The following GPHN variants were observed in gnomAD, a reference collection of about 807,000 sequenced individuals.
The protein encoded by GPHN is gephyrin.
Under a neutral mutation model 95.5 loss-of-function variants are expected in GPHN, and 17 were observed. That is an observed-to-expected ratio of 0.18 (90% CI 0.12 to 0.27). The LOEUF (loss-of-function observed/expected upper bound fraction) is 0.27. Among genes scored for constraint, GPHN ranks in the 10% least tolerant of loss-of-function variants. The probability of loss-of-function intolerance (pLI) is 1.00; values close to 1 mark genes in which losing one functional copy is unlikely to be tolerated. For synonymous variants in GPHN, 320 were observed against 322.5 expected (o/e 0.99, Z 0.08); for missense variants, 660 against 978.1 (o/e 0.67, Z 4.34).
chr14:66,600,437 T>C (rs994056923), intron 1 of GPHN, among the ~76,000 whole-genome samples: 3 of 152,090 alleles, frequency 2.0e-5, no homozygotes, highest in African/African-American at 7.2e-5. Flanking sequence ...CAGTGAATAA[T>C]AAATTAGCTC....
the GPHN span, among the ~76,000 whole-genome samples, chr14:67,437,426 C>A: frequency 5.1e-4 from 78 of 152,290 alleles, no homozygotes; most frequent in Middle Eastern, 3.4e-3. Context: ...GGGTGGGCAG[C>A]GGCCAGATTA....
the GPHN span, chr14:67,702,067 T>G: frequency 6.6e-6 from 1 of 152,180 alleles, no homozygotes; most frequent in African/African-American, 2.4e-5. Flanking sequence ...TCCACCTGCC[T>G]TGGCCTCCTA....
chr14:67,560,130 G>T, the GPHN span, among the ~76,000 whole-genome samples: 2 of 152,086 alleles, frequency 1.3e-5, no homozygotes, highest in Non-Finnish European at 2.9e-5. Context: ...GGGTTCAACC[G>T]ATTCTCGTGC....
chr14:67,380,348 G>T, the GPHN span, among the ~76,000 whole-genome samples: 1 of 152,042 alleles, frequency 6.6e-6, no homozygotes, highest in South Asian at 2.1e-4. Context: ...ATTCAAGATA[G>T]ATTATAAACT....
chr14:66,921,013 G>A (rs1391025855), intron 6 of GPHN, among the ~76,000 whole-genome samples: 1 of 152,130 alleles, frequency 6.6e-6, no homozygotes, highest in East Asian at 1.9e-4. Flanking sequence ...GGGCATTTGG[G>A]TTGGTTCCAC....
At chr14:66,951,072 C>G (rs1026794256) in intron 8 of GPHN, among the ~76,000 whole-genome samples, 1 of 152,006 alleles carries the variant, frequency 6.6e-6, no homozygotes, top group Non-Finnish European at 1.5e-5. Context: ...TTACAGGCAC[C>G]TGCCACCATG....
At chr14:66,842,068 A>AC (rs1183495196) in intron 4 of GPHN, among the ~76,000 whole-genome samples, 1 of 53,358 alleles carries the variant, frequency 1.9e-5, no homozygotes, top group African/African-American at 7.2e-5. Flanking sequence ...CCCCGCCCCA[A>AC]CCCCCCCAGC....
At chr14:66,676,728 G>T (rs1198873507) in intron 1 of GPHN, among the ~76,000 whole-genome samples, 3 of 137,660 alleles carry the variant, frequency 2.2e-5, no homozygotes, top group African/African-American at 8.9e-5. Context: ...TTTTGTTCAG[G>T]ATTTTTGCAT....
chr14:67,376,331 T>C, the GPHN span: 1 of 1,114,506 alleles, frequency 9.0e-7, no homozygotes, highest in Non-Finnish European at 1.2e-6. Context: ...GGAGATCTTT[T>C]ATTGTTAAGG....
At chr14:66,813,878 G>A (rs2060857122) in intron 3 of GPHN, among the ~76,000 whole-genome samples, 1 of 152,096 alleles carries the variant, frequency 6.6e-6, no homozygotes, top group African/African-American at 2.4e-5. Flanking sequence ...TGAGGTCCCT[G>A]GGTACCCACG....
the GPHN span, among the ~76,000 whole-genome samples, chr14:67,288,759 A>G: frequency 2.6e-5 from 4 of 151,992 alleles, no homozygotes; most frequent in African/African-American, 9.7e-5. Context: ...CTTCCTATCT[A>G]TTCTTAATAT....
At chr14:66,800,011 A>G (rs1468685610) in intron 3 of GPHN, among the ~76,000 whole-genome samples, 5 of 151,916 alleles carry the variant, frequency 3.3e-5, no homozygotes, top group Admixed American at 6.5e-5. Flanking sequence ...ATACTATCTT[A>G]TAACATATTA....
At chr14:66,692,615 A>G (rs565807936) in intron 2 of GPHN, among the ~76,000 whole-genome samples, 2 of 152,184 alleles carry the variant, frequency 1.3e-5, no homozygotes, top group Admixed American at 6.5e-5. Flanking sequence ...TTTCTTATCG[A>G]ACAGTTTTCT....
the GPHN span, among the ~76,000 whole-genome samples, chr14:67,210,958 C>T: frequency 3.9e-5 from 6 of 152,060 alleles, no homozygotes; most frequent in East Asian, 1.2e-3. Context: ...TGAGATTGCA[C>T]CACTGCACTC....
intron 2 of GPHN, among the ~76,000 whole-genome samples, chr14:66,775,971 A>G (rs1040425814): frequency 6.6e-6 from 1 of 152,200 alleles, no homozygotes; most frequent in African/African-American, 2.4e-5. Flanking sequence ...CAGTTGTAGC[A>G]CATGTGTCAC....
chr14:66,987,794 T>C (rs1000131088), intron 9 of GPHN, among the ~76,000 whole-genome samples: 1 of 152,124 alleles, frequency 6.6e-6, no homozygotes, highest in African/African-American at 2.4e-5. Flanking sequence ...TCTTACGTTA[T>C]AGAAAGACCT....
At chr14:67,258,164 C>T in the GPHN span, among the ~76,000 whole-genome samples, 3 of 151,892 alleles carry the variant, frequency 2.0e-5, no homozygotes, top group Admixed American at 1.3e-4. Flanking sequence ...GCAGGGTTCT[C>T]AGAGCCACTA....
chr14:66,669,152 T>C (rs1380505569), intron 1 of GPHN, among the ~76,000 whole-genome samples: 1 of 152,010 alleles, frequency 6.6e-6, no homozygotes, highest in Non-Finnish European at 1.5e-5. Context: ...TCAGCTGAGG[T>C]CGGGAGTTCG....
At chr14:67,279,085 C>T in the GPHN span, 4 of 1,144,188 alleles carry the variant, frequency 3.5e-6, no homozygotes, top group Admixed American at 3.4e-5. Context: ...TTTGAAGTAA[C>T]ATGGATTTTA....
Sources: gnomAD v4.1 joint callset for allele counts (sites outside exome capture counted in the v4.1 genomes callset) on GRCh38, gnomAD v4.1.1 for gene constraint, MANE v1.5 for transcripts, NCBI Gene and HGNC (gene_info 2026-07-23, HGNC 2026-07-21) for gene names.